MACROH2A1: variants seen among roughly 807,000 people sequenced by gnomAD.
The protein encoded by MACROH2A1 is macroH2A.1 histone, also known as core histone macro-H2A.1.
In MACROH2A1, 2 loss-of-function variants were observed where a neutral mutation model predicts 31.6. The ratio of observed to expected loss-of-function variants is 0.06; its 90% CI spans 0.03 to 0.20. MACROH2A1 has a LOEUF of 0.20. Ranked by LOEUF, MACROH2A1 falls within the 10% of genes least tolerant of loss-of-function variation. The probability of loss-of-function intolerance (pLI) is 1.00; values close to 1 mark genes in which losing one functional copy is unlikely to be tolerated. For missense variants in MACROH2A1, 230 were observed against 474.0 expected, an observed-to-expected ratio of 0.49 and a Z score of 4.78; for synonymous variants, 169 against 189.6, an observed-to-expected ratio of 0.89 and a Z score of 0.89.
intron 5 of MACROH2A1, 148 bp from the exon 6 acceptor site, chr5:135,353,193 T>C (rs1761785511): frequency 1.6e-6 from 1 of 625,356 alleles, no homozygotes; most frequent in Non-Finnish European, 2.9e-6. Context: ...AATGAACCCA[T>C]TTCAAACATA....
At chr5:135,384,405 T>C (rs577382063) in intron 2 of MACROH2A1, among the ~76,000 whole-genome samples, 19 of 152,358 alleles carry the variant, frequency 1.2e-4, no homozygotes, top group Admixed American at 3.9e-4. Flanking sequence ...CCGTCCCTTT[T>C]CCTTGGGGTT....
At chr5:135,342,079 T>G (rs1759983347) in intron 8 of MACROH2A1, among the ~76,000 whole-genome samples, 1 of 152,196 alleles carries the variant, frequency 6.6e-6, no homozygotes, top group Non-Finnish European at 1.5e-5. Context: ...TAAAGGCCAG[T>G]TTCTCTTTGC....
At chr5:135,379,268 C>T (rs1314897727) in intron 2 of MACROH2A1, among the ~76,000 whole-genome samples, 2 of 152,172 alleles carry the variant, frequency 1.3e-5, no homozygotes, top group East Asian at 1.9e-4. Context: ...GCGCTACTAT[C>T]GGCCTTTAAA....
chr5:135,350,301 G>A (rs1467057689), intron 6 of MACROH2A1, among the ~76,000 whole-genome samples: 1 of 152,146 alleles, frequency 6.6e-6, no homozygotes, highest in Non-Finnish European at 1.5e-5. Flanking sequence ...CCCTAAGTGT[G>A]GGCAAGCATT....
At chr5:135,367,841 G>A (rs973010969) in intron 4 of MACROH2A1, among the ~76,000 whole-genome samples, 1 of 152,188 alleles carries the variant, frequency 6.6e-6, no homozygotes, top group Non-Finnish European at 1.5e-5. Context: ...TTTAGAAAGG[G>A]TTGCACAAGC....
intron 1 of MACROH2A1, among the ~76,000 whole-genome samples, chr5:135,390,780 C>T (rs1276744929): frequency 2.0e-5 from 3 of 152,194 alleles, no homozygotes; most frequent in Non-Finnish European, 2.9e-5. Flanking sequence ...GGACATGCCA[C>T]GGTCCACACT....
At chr5:135,362,940 A>C (rs1763020289) in intron 4 of MACROH2A1, 1 of 152,268 alleles carries the variant, frequency 6.6e-6, no homozygotes, top group Non-Finnish European at 1.5e-5. Context: ...TCCAACTGTT[A>C]AAAACAGTCA....
At chr5:135,390,398 T>C (rs1018938065) in intron 1 of MACROH2A1, among the ~76,000 whole-genome samples, 2 of 152,220 alleles carry the variant, frequency 1.3e-5, no homozygotes, top group Admixed American at 6.5e-5. Context: ...ATCCTGTTCA[T>C]TTATGCATTC....
At chr5:135,364,156 C>T (rs537033154) in intron 4 of MACROH2A1, among the ~76,000 whole-genome samples, 1 of 152,104 alleles carries the variant, frequency 6.6e-6, no homozygotes, top group Non-Finnish European at 1.5e-5. Context: ...AACCAAACAC[C>T]GCATGTTCTC....
At chr5:135,353,105 G>A in intron 5 of MACROH2A1, 60 bp from the exon 6 acceptor site, 1 of 1,066,592 alleles carries the variant, frequency 9.4e-7, no homozygotes. Context: ...CAGAGAAGGA[G>A]CCTTGGGATA....
intron 4 of MACROH2A1, among the ~76,000 whole-genome samples, chr5:135,364,770 C>A: frequency 6.6e-6 from 1 of 152,324 alleles, no homozygotes; most frequent in Non-Finnish European, 1.5e-5. Flanking sequence ...CAATAGAAGG[C>A]CAGCAAATTT....
At position 135,334,742 on chromosome 5, in the gene MACROH2A1, G is replaced by C; in HGVS notation, c.*234C>G. ...AAATCTCCTAGGTTACACTAAGTCA[G>C]ACACGGTCTGGAACACAGTGCTTAA... On this transcript the variant is annotated 3_prime_UTR_variant, in exon 9 of 9. Coordinates refer to ENST00000511689, the MANE Select transcript of MACROH2A1 (RefSeq NM_138610.3). 2.2e-6 allele frequency: 1 copy of C among 454,072 alleles called. No individual in the cohort carries two copies. The highest frequency in any genetic ancestry group is 3.9e-6 in the Non-Finnish European group (1 of 253,906). 28.1% of individuals were successfully genotyped at this position (454,072 alleles called of 1,614,324 possible).
intron 2 of MACROH2A1, among the ~76,000 whole-genome samples, chr5:135,374,960 C>CT (rs1172988237): frequency 2.0e-5 from 3 of 152,194 alleles, no homozygotes; most frequent in Non-Finnish European, 4.4e-5. Context: ...CGGTGACAGT[C>CT]TAAGTTTTGT....
chr5:135,337,297 C>T lies in MACROH2A1; in HGVS notation c.954-2156G>A, dbSNP rs139545077. The stretch of plus-strand genomic sequence containing the variant: ...ATGCCCAGGCAGCTGTCTCCAACAA[C>T]GGTTAGCTACATCCCACACAAGCTG... On this transcript the variant is annotated intron_variant, in intron 8 of 8. Coordinates refer to ENST00000511689, the MANE Select transcript of MACROH2A1 (RefSeq NM_138610.3). Among the ~76,000 whole-genome samples, 1,215 of 152,386 alleles carry T rather than the reference C, an allele frequency of 8.0e-3. 19 individuals carry two copies. Among genetic ancestry groups the T allele is most frequent in the African/African-American group, 0.028 (1,159 of 41,604 alleles).
rs1201181972 is a variant in MACROH2A1, at chr5:135,369,495, G to C, written c.388C>G (p.Pro130Ala). ...SKGKLEAIIT[P>A]PPAKKAKSPS... ...GACTTGGCCTTTTTGGCTGGGGGTG[G>C]TGTGATGATGGCTTCCAACTTTCCT... Residue 130 changes from proline (P) to alanine (A), a missense_variant, in exon 4 of 9, where the codon CCA (proline) becomes GCA (alanine). Pro to Ala is a conservative substitution (Grantham distance 27). This residue lies in a region of MACROH2A1 where 183 missense variants were observed against 319.3 expected (regional missense o/e 0.57). Transcript: ENST00000511689. The surrounding 1 kb of genome is among the most constrained non-coding windows in gnomAD (Gnocchi z 4.3). 2 of 1,614,158 alleles carry C rather than the reference G, an allele frequency of 1.2e-6. No homozygotes were observed. The highest frequency in any genetic ancestry group is 2.2e-5 in the South Asian group (2 of 91,082).
intron 2 of MACROH2A1, among the ~76,000 whole-genome samples, chr5:135,375,880 G>A (rs1325684320): frequency 1.3e-5 from 2 of 152,096 alleles, no homozygotes; most frequent in Non-Finnish European, 2.9e-5. Flanking sequence ...ATCCCAGAAG[G>A]CCTTAACCCA....
chr5:135,340,644 AG>A (rs1425450469), intron 8 of MACROH2A1, among the ~76,000 whole-genome samples: 2 of 152,256 alleles, frequency 1.3e-5, no homozygotes, highest in East Asian at 3.9e-4. Context: ...ACTGGGCCTC[AG>A]CTAAGAGAGT....
intron 1 of MACROH2A1, among the ~76,000 whole-genome samples, chr5:135,393,865 G>A (rs1316597773): frequency 1.3e-5 from 2 of 152,142 alleles, no homozygotes; most frequent in Non-Finnish European, 2.9e-5. Flanking sequence ...CATTAACTTT[G>A]TTTATAAAAC....
chr5:135,374,996 T>G (rs1366927429), intron 2 of MACROH2A1, among the ~76,000 whole-genome samples: 3 of 152,210 alleles, frequency 2.0e-5, no homozygotes, highest in Admixed American at 1.3e-4. Context: ...CTAGACTGAT[T>G]TGGGGCCCAA....
Sources: gnomAD v4.1 joint callset for allele counts (sites outside exome capture counted in the v4.1 genomes callset) on GRCh38, gnomAD v4.1.1 for gene constraint, gnomAD v4.1.1 regional missense constraint, Gnocchi (gnomAD v3.1) non-coding constraint, MANE v1.5 for transcripts, NCBI Gene and HGNC (gene_info 2026-07-23, HGNC 2026-07-21) for gene names.